Variants in CACNA2D1 observed in about 807,000 individuals in gnomAD.
The protein encoded by CACNA2D1 is calcium voltage-gated channel auxiliary subunit alpha2delta 1.
CACNA2D1 carries 53 observed loss-of-function variants against 171.5 expected under a neutral mutation model. The ratio of observed to expected loss-of-function variants is 0.31; its 90% CI spans 0.25 to 0.39. The LOEUF is 0.39. Among genes scored for constraint, CACNA2D1 ranks in the 10% least tolerant of loss-of-function variants. CACNA2D1 has a pLI of 1.00. For synonymous variants in CACNA2D1, 442 were observed against 443.1 expected (o/e 1.00, Z 0.03); for missense variants, 903 against 1,299.8 (o/e 0.69, Z 4.69).
intron 1 of CACNA2D1, among the ~76,000 whole-genome samples, chr7:82,407,534 A>G (rs566173329): frequency 1.3e-5 from 2 of 152,346 alleles, no homozygotes; most frequent in Admixed American, 1.3e-4. Context: ...TCCTTTTAAC[A>G]ATGATACCAA....
intron 3 of CACNA2D1, among the ~76,000 whole-genome samples, chr7:82,303,800 GTC>G (rs1813355035): frequency 1.3e-5 from 2 of 152,064 alleles, no homozygotes; most frequent in Admixed American, 6.6e-5. Context: ...CAGTACATTG[GTC>G]TAGGCAACAA....
At chr7:82,202,043 C>G (rs1799494192) in intron 3 of CACNA2D1, among the ~76,000 whole-genome samples, 1 of 152,158 alleles carries the variant, frequency 6.6e-6, no homozygotes, top group Non-Finnish European at 1.5e-5. Flanking sequence ...TCTGATCCAG[C>G]AAGACACAGC....
At chr7:82,171,334 A>G (rs7778344) in intron 3 of CACNA2D1, among the ~76,000 whole-genome samples, 9,759 of 151,946 alleles carry the variant, frequency 0.064, 657 homozygotes, top group African/African-American at 0.17. Context: ...CCCTATTCCA[A>G]TAGCTTTTAG....
chr7:82,067,707 C>A (rs77972684), intron 7 of CACNA2D1, among the ~76,000 whole-genome samples: 1 of 152,022 alleles, frequency 6.6e-6, no homozygotes, highest in Non-Finnish European at 1.5e-5. Context: ...TGAGAGTCTG[C>A]GATGTAAAAT....
chr7:82,181,040 G>GTTTTTTTTTTTTTTTT (rs1797073500), intron 3 of CACNA2D1, among the ~76,000 whole-genome samples: 1 of 45,946 alleles, frequency 2.2e-5, no homozygotes, highest in Non-Finnish European at 5.0e-5. Context: ...GGGCATGTCG[G>GTTTTTTTTTTTTTTTT]ATTTTTTTTT....
intron 7 of CACNA2D1, among the ~76,000 whole-genome samples, chr7:82,077,381 G>A (rs1357870325): frequency 6.6e-6 from 1 of 152,056 alleles, no homozygotes; most frequent in African/African-American, 2.4e-5. Flanking sequence ...TTAAAAAGGG[G>A]GCAAAGAAGA....
chr7:81,999,287 C>T (rs541283945), intron 18 of CACNA2D1, among the ~76,000 whole-genome samples: 4 of 152,210 alleles, frequency 2.6e-5, no homozygotes, highest in Middle Eastern at 3.4e-3. Flanking sequence ...AGATTCACCA[C>T]GGGCATGGTG....
intron 10 of CACNA2D1, among the ~76,000 whole-genome samples, chr7:82,059,993 T>G (rs1480381222): frequency 3.7e-5 from 1 of 27,114 alleles, no homozygotes; most frequent in South Asian, 2.3e-3. Context: ...CCAGGGCCTG[T>G]TGTGGGGTGG....
Position 81,962,510 on chromosome 7 carries a change from T to TA in CACNA2D1, c.2781-16dup, listed in dbSNP as rs758260884. ...GTAGAATAGACCTGAATTTTTCAAA[T>TA]AAAAAAAAAATAAACATCTAGGGAA... On this transcript the variant is annotated splice_polypyrimidine_tract_variant and intron_variant, in intron 34 of 38. Coordinates refer to ENST00000356860, the MANE Select transcript of CACNA2D1 (RefSeq NM_000722.4). The TA allele has an allele frequency of 3.1e-3, 4,394 of 1,419,338 alleles. 1 individual carries two copies. The highest frequency in any genetic ancestry group is 8.2e-3 in the East Asian group (320 of 38,826). 87.9% of individuals were successfully genotyped at this position (1,419,338 alleles called of 1,614,324 possible).
At position 82,393,109 on chromosome 7, in the gene CACNA2D1, GGC is replaced by G. The variant is rs1332947092; in HGVS notation, c.96-43462_96-43461del. ...AGGCAGGCAGGCAGGCAGGCAGGCAGGCAGGGAGGGAGGGAGGGAGGCAGGCA... is the reference window on the plus strand; with the variant it reads ...AGGCAGGCAGGCAGGCAGGCAGGCAGAGGGAGGGAGGGAGGGAGGCAGGCA... On this transcript the variant is annotated intron_variant, in intron 1 of 38. Coordinates refer to ENST00000356860, the MANE Select transcript of CACNA2D1 (RefSeq NM_000722.4). 4.7e-4 allele frequency among the ~76,000 whole-genome samples: 68 copies of G among 143,522 alleles called. 1 individual carries two copies. The highest frequency in any genetic ancestry group is 1.3e-3 in the South Asian group (6 of 4,538). The allele number at this position is 143,522 out of a possible 152,430, so 94.2% of individuals were successfully genotyped here.
chr7:82,313,799 A>G (rs1046563538), intron 3 of CACNA2D1, among the ~76,000 whole-genome samples: 1 of 152,178 alleles, frequency 6.6e-6, no homozygotes, highest in African/African-American at 2.4e-5. Flanking sequence ...TTCAATATAC[A>G]CCAAAAATAC....
At chr7:82,309,276 G>A (rs1814122849) in intron 3 of CACNA2D1, among the ~76,000 whole-genome samples, 1 of 151,990 alleles carries the variant, frequency 6.6e-6, no homozygotes. Flanking sequence ...CATGGTGGTG[G>A]ATGCCTGTAA....
intron 1 of CACNA2D1, among the ~76,000 whole-genome samples, chr7:82,391,573 T>TAA (rs1353928577): frequency 1.3e-5 from 2 of 152,238 alleles, no homozygotes; most frequent in Non-Finnish European, 2.9e-5. Context: ...AATAAATACC[T>TAA]TAAATGTTTT....
chr7:82,145,468 T>TTA (rs1179771186), intron 4 of CACNA2D1, among the ~76,000 whole-genome samples: 2 of 144,614 alleles, frequency 1.4e-5, no homozygotes, highest in African/African-American at 5.0e-5. Flanking sequence ...TGTTTATATT[T>TTA]TATATATATA....
chr7:82,005,617 A>C (rs956021943), intron 17 of CACNA2D1, 120 bp from the exon 18 acceptor site: 33 of 867,094 alleles, frequency 3.8e-5, no homozygotes, highest in Non-Finnish European at 5.7e-5. Flanking sequence ...GATAACATGG[A>C]ATCATTTTAT....
At chr7:82,426,456 T>C (rs1319721514) in intron 1 of CACNA2D1, among the ~76,000 whole-genome samples, 1 of 152,136 alleles carries the variant, frequency 6.6e-6, no homozygotes. Context: ...AAAATTAGAA[T>C]TGATACTTTA....
chr7:82,218,735 T>C (rs568760727), intron 3 of CACNA2D1, among the ~76,000 whole-genome samples: 11 of 152,070 alleles, frequency 7.2e-5, no homozygotes, highest in Non-Finnish European at 1.3e-4. Flanking sequence ...ACTCAAGAAA[T>C]AGAAGTTTCT....
intron 12 of CACNA2D1, chr7:82,028,948 T>C (rs895738769): frequency 1.3e-5 from 2 of 151,878 alleles, no homozygotes; most frequent in Non-Finnish European, 2.9e-5. Context: ...ATGAACTTAT[T>C]TGATAAAGCA....
intron 3 of CACNA2D1, among the ~76,000 whole-genome samples, chr7:82,244,506 G>A (rs991058215): frequency 6.6e-6 from 1 of 152,070 alleles, no homozygotes; most frequent in African/African-American, 2.4e-5. Context: ...GTGCTAACCT[G>A]TGTTAAACTG....
Sources: allele counts gnomAD v4.1 joint callset (sites outside exome capture counted in the v4.1 genomes callset), GRCh38; gene constraint gnomAD v4.1.1; transcripts MANE v1.5; gene names NCBI Gene and HGNC (gene_info 2026-07-23, HGNC 2026-07-21).